Variants in CCDC30 observed in about 807,000 individuals in gnomAD.
The protein encoded by CCDC30 is coiled-coil domain containing 30, also known as coiled-coil domain-containing protein 30.
CCDC30 carries 70 observed loss-of-function variants against 100.2 expected under a neutral mutation model. That is an observed-to-expected ratio of 0.70 (90% CI 0.58 to 0.85). The LOEUF (loss-of-function observed/expected upper bound fraction) is 0.85. Among genes scored for constraint, CCDC30 ranks in the 40% least tolerant of loss-of-function variants. CCDC30 has a pLI of 0.00. For synonymous variants in CCDC30, 233 were observed against 269.5 expected (o/e 0.86, Z 1.33); for missense variants, 652 against 771.2 (o/e 0.85, Z 1.83).
intron 11 of CCDC30, among the ~76,000 whole-genome samples, chr1:42,633,462 G>GCTC (rs934674436): frequency 3.3e-5 from 5 of 152,206 alleles, no homozygotes; most frequent in African/African-American, 1.2e-4. Context: ...GAATCCTGAA[G>GCTC]CTCTCTAAGG....
At chr1:42,502,250 C>T (rs1440861272) in intron 6 of CCDC30, among the ~76,000 whole-genome samples, 1 of 151,918 alleles carries the variant, frequency 6.6e-6, no homozygotes, top group Admixed American at 6.6e-5. Flanking sequence ...GTGGGACCCT[C>T]CGAGCCGGGC....
At chr1:42,610,390 A>G (rs1219734145) in intron 10 of CCDC30, among the ~76,000 whole-genome samples, 1 of 151,302 alleles carries the variant, frequency 6.6e-6, no homozygotes, top group Non-Finnish European at 1.5e-5. Context: ...TTCACTTTAT[A>G]TACTTTAAGC....
intron 9 of CCDC30, among the ~76,000 whole-genome samples, chr1:42,587,534 T>C (rs1442741918): frequency 6.6e-6 from 1 of 152,104 alleles, no homozygotes; most frequent in African/African-American, 2.4e-5. Flanking sequence ...TGGTAGAAAA[T>C]TAGCTATAGC....
rs142495486 is a variant in CCDC30 at position 42,505,453 on chromosome 1, A to C, written c.456+6537A>C. Among the ~76,000 whole-genome samples, 40 of 152,360 alleles carry C rather than the reference A, an allele frequency of 2.6e-4. No homozygotes were observed. In the East Asian group the frequency reaches 6.2e-3, roughly 23 times the overall value. ...AAAATAACCAATGAAACTAGAATTT[A>C]ATGACAAATGTATAAGTTTTGGAGC... On this transcript the variant is annotated intron_variant, in intron 6 of 16. Transcript: ENST00000668663.
chr1:42,542,539 C>CTTTT lies in CCDC30; in HGVS notation c.457-23738_457-23735dup, dbSNP rs58751072. Reference sequence around the variant, plus strand: ...CACACCTGGCTAATTTTAAATTTTTCTTTTTTTTTTTTTTTTTTTTTTGAG... The same window carrying CTTTT: ...CACACCTGGCTAATTTTAAATTTTTCTTTTTTTTTTTTTTTTTTTTTTTTTTGAG... On this transcript the variant is annotated intron_variant, in intron 6 of 16. Coordinates refer to ENST00000668663, the Ensembl canonical transcript of CCDC30. 2.0e-3 allele frequency among the ~76,000 whole-genome samples: 150 copies of CTTTT among 75,562 alleles called. 11 individuals carry two copies. Among genetic ancestry groups the CTTTT allele is most frequent in the African/African-American group, 6.4e-3 (138 of 21,558 alleles). 49.6% of individuals were successfully genotyped at this position (75,562 alleles called of 152,430 possible). A position where few individuals can be genotyped will look rare whatever the true frequency, so the allele number is the denominator to read the frequency against.
chr1:42,643,577 A>G (rs555029003), intron 13 of CCDC30, among the ~76,000 whole-genome samples: 21 of 152,316 alleles, frequency 1.4e-4, no homozygotes, highest in Admixed American at 4.6e-4. Flanking sequence ...AACATTAATC[A>G]TATTTCTATC....
intron 10 of CCDC30, chr1:42,589,794 T>C (rs1646148131): frequency 4.7e-6 from 1 of 212,286 alleles, no homozygotes; most frequent in South Asian, 1.3e-4. Flanking sequence ...TTGCAGGAAC[T>C]GTCCTGAAGC....
intron 6 of CCDC30, among the ~76,000 whole-genome samples, chr1:42,509,079 G>A (rs1451773284): frequency 2.0e-5 from 3 of 152,146 alleles, no homozygotes; most frequent in African/African-American, 4.8e-5. Flanking sequence ...AGTGTATGAG[G>A]TATTTTCAAA....
upstream of CCDC30, among the ~76,000 whole-genome samples, chr1:42,462,707 T>C (rs1643443576): frequency 6.6e-6 from 1 of 152,242 alleles, no homozygotes; most frequent in Non-Finnish European, 1.5e-5. Flanking sequence ...TATAAGTTTT[T>C]ATTTTGCATT....
At position 42,637,326 on chromosome 1, in the gene CCDC30, G is replaced by T. The variant is rs768076529; in HGVS notation, c.1367G>T (p.Arg456Ile). 8.2e-6 allele frequency: 13 copies of T among 1,591,464 alleles called. No homozygotes were observed. The Admixed American group carries it at 1.9e-4, about 23-fold the overall frequency. ...AATGAAGTAGAACTACGAGATAAGA[G>T]AATTAACCAATTTGAAGATGAAATT... is the stretch of plus-strand genomic sequence containing the variant. Residue 456 changes from arginine to isoleucine, a missense_variant, in exon 12 of 17, where the codon AGA (arginine) becomes ATA (isoleucine). Physicochemically the swap from Arg to Ile is moderately conservative, Grantham distance 97. Coordinates refer to ENST00000668663, the Ensembl canonical transcript of CCDC30.
intron 7 of CCDC30, among the ~76,000 whole-genome samples, chr1:42,574,531 G>A (rs1645794768): frequency 1.3e-5 from 2 of 151,968 alleles, no homozygotes; most frequent in Admixed American, 1.3e-4. Context: ...TCTTTGATCA[G>A]TCTCACTAGA....
chr1:42,505,414 G>GA (rs1644379205), intron 6 of CCDC30, among the ~76,000 whole-genome samples: 4 of 151,066 alleles, frequency 2.6e-5, no homozygotes, highest in South Asian at 4.2e-4. Flanking sequence ...TAAAATGTAG[G>GA]GAAAAAAAAC....
At chr1:42,484,006 A>G (rs954815150) in intron 3 of CCDC30, among the ~76,000 whole-genome samples, 1 of 151,888 alleles carries the variant, frequency 6.6e-6, no homozygotes, top group Non-Finnish European at 1.5e-5. Flanking sequence ...TCCTTTCTAT[A>G]TTTTTAATCC....
chr1:42,551,505 C>T (rs767773450), intron 6 of CCDC30, among the ~76,000 whole-genome samples: 5 of 151,956 alleles, frequency 3.3e-5, no homozygotes, highest in African/African-American at 7.3e-5. Context: ...GTGGGTTTTC[C>T]GGTTTTTAAG....
intron 6 of CCDC30, among the ~76,000 whole-genome samples, chr1:42,534,571 T>A (rs61777386): frequency 3.2e-4 from 49 of 152,214 alleles, no homozygotes; most frequent in Non-Finnish European, 6.5e-4. Context: ...TTCTAACTCA[T>A]CAGCTTTGGA....
chr1:42,478,922 CAA>C (rs1458317268), intron 1 of CCDC30, among the ~76,000 whole-genome samples: 1 of 152,074 alleles, frequency 6.6e-6, no homozygotes. Context: ...AAATAATCAG[CAA>C]AGTCACTTTT....
At chr1:42,562,444 C>G (rs757705968) in intron 6 of CCDC30, among the ~76,000 whole-genome samples, 28 of 152,152 alleles carry the variant, frequency 1.8e-4, no homozygotes, top group Non-Finnish European at 4.0e-4. Flanking sequence ...ACACCTTAAA[C>G]AAAAATTAAC....
chr1:42,626,938 C>G (rs1177999090), intron 11 of CCDC30, among the ~76,000 whole-genome samples: 1 of 152,036 alleles, frequency 6.6e-6, no homozygotes, highest in Non-Finnish European at 1.5e-5. Flanking sequence ...AAATTGGTAC[C>G]AGTAGATTGG....
chr1:42,581,456 G>A (rs1279201687), exon 9 of CCDC30: 1 of 1,613,724 alleles, frequency 6.2e-7, no homozygotes, highest in East Asian at 2.2e-5. Flanking sequence ...AAAGATAAAA[G>A]AAGCAACACA....
Sources: gnomAD v4.1 joint callset for allele counts (sites outside exome capture counted in the v4.1 genomes callset) on GRCh38, gnomAD v4.1.1 for gene constraint, MANE v1.5 for transcripts, NCBI Gene and HGNC (gene_info 2026-07-23, HGNC 2026-07-21) for gene names.